AHCYL2: variants seen among roughly 807,000 people sequenced by gnomAD.
AHCYL2 encodes the protein S-adenosylhomocysteine hydrolase-like protein 2.
In AHCYL2, 28 loss-of-function variants were observed where a neutral mutation model predicts 81.4. The observed-to-expected ratio is 0.34, with a 90% CI of 0.25 to 0.47. The LOEUF (loss-of-function observed/expected upper bound fraction) is 0.47. AHCYL2 is among the 20% of genes least tolerant of loss of function. AHCYL2 has a pLI of 1.00. For synonymous variants in AHCYL2, 272 were observed against 290.2 expected (o/e 0.94, Z 0.64); for missense variants, 551 against 785.1 (o/e 0.70, Z 3.56).
intron 1 of AHCYL2, among the ~76,000 whole-genome samples, chr7:129,270,643 AC>A (rs1224020479): frequency 1.3e-5 from 2 of 152,226 alleles, no homozygotes; most frequent in Non-Finnish European, 2.9e-5. Context: ...AGCTAAAGTT[AC>A]GGCTGCTCTG....
chr7:129,227,828 C>T (rs547788747), intron 1 of AHCYL2, among the ~76,000 whole-genome samples: 4 of 152,146 alleles, frequency 2.6e-5, no homozygotes, highest in African/African-American at 9.6e-5. Context: ...GTTAATTGCA[C>T]CAAAAAAACA....
chr7:129,312,592 T>A (rs1797696066), intron 1 of AHCYL2, among the ~76,000 whole-genome samples: 1 of 152,138 alleles, frequency 6.6e-6, no homozygotes, highest in South Asian at 2.1e-4. Flanking sequence ...CTCCTTCAGA[T>A]CTCTAGTTCT....
chr7:129,311,348 A>G (rs1797650657), intron 1 of AHCYL2, among the ~76,000 whole-genome samples: 1 of 152,198 alleles, frequency 6.6e-6, no homozygotes, highest in African/African-American at 2.4e-5. Flanking sequence ...CAGTCCTTGA[A>G]TAAGTTCATC....
At chr7:129,383,132 C>T (rs1445269901) in intron 2 of AHCYL2, among the ~76,000 whole-genome samples, 7 of 151,594 alleles carry the variant, frequency 4.6e-5, no homozygotes. Flanking sequence ...TGAGTCCTTT[C>T]ACTTGAATGT....
At chr7:129,270,996 A>AGT (rs759344622) in intron 1 of AHCYL2, among the ~76,000 whole-genome samples, 21 of 152,190 alleles carry the variant, frequency 1.4e-4, no homozygotes, top group Non-Finnish European at 2.5e-4. Context: ...GGCTGAAGCA[A>AGT]GTGCAAAACT....
chr7:129,408,167 A>T (rs913042047), intron 10 of AHCYL2, among the ~76,000 whole-genome samples: 3 of 152,188 alleles, frequency 2.0e-5, no homozygotes, highest in Admixed American at 6.5e-5. Context: ...AGTCTCACTG[A>T]AGTATTTTAA....
chr7:129,239,490 G>T (rs1038398710), intron 1 of AHCYL2, among the ~76,000 whole-genome samples: 1 of 150,712 alleles, frequency 6.6e-6, no homozygotes, highest in Non-Finnish European at 1.5e-5. Context: ...GAGTGCAGTG[G>T]TGCTGGAGTG....
intron 1 of AHCYL2, among the ~76,000 whole-genome samples, chr7:129,291,003 CTATTGTTTCCAG>C (rs1454773258): frequency 6.6e-6 from 1 of 151,386 alleles, no homozygotes; most frequent in Non-Finnish European, 1.5e-5. Context: ...ATTGTTTCCA[CTATTGTTTCCAG>C]TGGATCTTTT....
intron 1 of AHCYL2, among the ~76,000 whole-genome samples, chr7:129,302,335 C>T (rs1204456672): frequency 7.5e-6 from 1 of 133,112 alleles, no homozygotes; most frequent in East Asian, 2.1e-4. Context: ...TCTTCCTTTC[C>T]AGTTTGAGTG....
In AHCYL2 at chr7:129,378,979, A is replaced by G. The variant is rs563769095; in HGVS notation, c.364-659A>G. On this transcript the variant is annotated intron_variant, in intron 1 of 16. Transcript: ENST00000325006. The stretch of plus-strand genomic sequence containing the variant: ...GTGGGGTGTCACAATTTTATTGTAA[A>G]AAGCATATAGTCAAAGAGTAGCCAG... 5.3e-5 allele frequency among the ~76,000 whole-genome samples: 8 copies of G among 152,234 alleles called. No individual in the cohort carries two copies. In the South Asian group the frequency reaches 1.7e-3, roughly 32 times the overall value.
At chr7:129,274,518 CCTT>C (rs1298101078) in intron 1 of AHCYL2, among the ~76,000 whole-genome samples, 1 of 152,128 alleles carries the variant, frequency 6.6e-6, no homozygotes, top group Non-Finnish European at 1.5e-5. Flanking sequence ...CAATTTCTTC[CCTT>C]CTTGCTATTC....
chr7:129,373,766 G>A (rs1794535254), intron 1 of AHCYL2, among the ~76,000 whole-genome samples: 1 of 152,194 alleles, frequency 6.6e-6, no homozygotes, highest in South Asian at 2.1e-4. Context: ...TTACCTGAGT[G>A]AGGGAAAGGG....
At position 129,428,141 on chromosome 7, in the gene AHCYL2, G is replaced by A. The variant is rs1797436573; in HGVS notation, c.*1096G>A. The stretch of plus-strand genomic sequence containing the variant: ...GGATACAGAGATGAAATTGTAAACT[G>A]TATCCAGATTATCAAAGCTAATTTG... On this transcript the variant is annotated 3_prime_UTR_variant, in exon 17 of 17. Transcript: ENST00000325006. The A allele has an allele frequency of 6.6e-6, 1 of 152,230 alleles. No individual in the cohort carries two copies. Among genetic ancestry groups the A allele is most frequent in the South Asian group, 2.1e-4 (1 of 4,830 alleles). 9.4% of individuals were successfully genotyped at this position (152,230 alleles called of 1,614,324 possible). A position where few individuals can be genotyped will look rare whatever the true frequency, so the allele number is the denominator to read the frequency against.
intron 4 of AHCYL2, among the ~76,000 whole-genome samples, chr7:129,394,234 C>T (rs1181775961): frequency 6.6e-6 from 1 of 151,940 alleles, no homozygotes; most frequent in Non-Finnish European, 1.5e-5. Context: ...TGGTCTCAAA[C>T]TCCTGGCCTC....
rs1324510474 is a variant in AHCYL2 at position 129,320,903 on chromosome 7, G to A, written c.364-58735G>A. On this transcript the variant is annotated intron_variant, in intron 1 of 16. Coordinates refer to ENST00000325006, the MANE Select transcript of AHCYL2 (RefSeq NM_015328.4). ...ATGATCTTTTGTGTCTGGCTTCTTT[G>A]ACTTAGCACATATCATTACTTCATT... 2.0e-5 allele frequency among the ~76,000 whole-genome samples: 3 copies of A among 152,056 alleles called. No homozygotes were observed. In the East Asian group the frequency reaches 5.8e-4, roughly 29 times the overall value.
intron 4 of AHCYL2, among the ~76,000 whole-genome samples, chr7:129,392,760 A>AT (rs1795532566): frequency 6.6e-6 from 1 of 152,194 alleles, no homozygotes; most frequent in Non-Finnish European, 1.5e-5. Flanking sequence ...TTCTGATAAT[A>AT]TTTTTCTAAC....
At chr7:129,235,940 A>G (rs1281369903) in intron 1 of AHCYL2, among the ~76,000 whole-genome samples, 2 of 150,496 alleles carry the variant, frequency 1.3e-5, no homozygotes, top group African/African-American at 4.9e-5. Flanking sequence ...AACTATCTGT[A>G]TGCATTTTTG....
At chr7:129,352,819 A>G (rs571504275) in intron 1 of AHCYL2, among the ~76,000 whole-genome samples, 1 of 152,182 alleles carries the variant, frequency 6.6e-6, no homozygotes, top group Admixed American at 6.5e-5. Context: ...TGTAAATAGA[A>G]ATTATTTCAT....
chr7:129,388,457 C>T (rs1239071426), intron 2 of AHCYL2, among the ~76,000 whole-genome samples: 2 of 152,172 alleles, frequency 1.3e-5, no homozygotes, highest in Admixed American at 1.3e-4. Flanking sequence ...TAACGCCAGA[C>T]CTACTGAGGC....
Sources: gnomAD v4.1 joint callset for allele counts (sites outside exome capture counted in the v4.1 genomes callset) on GRCh38, gnomAD v4.1.1 for gene constraint, MANE v1.5 for transcripts, NCBI Gene and HGNC (gene_info 2026-07-23, HGNC 2026-07-21) for gene names.